Variants in NMU observed in about 807,000 individuals in gnomAD.
NMU encodes the protein neuromedin-U.
A neutral mutation model predicts 35.4 loss-of-function variants in NMU; 29 were observed. That is an observed-to-expected ratio of 0.82 (90% CI 0.61 to 1.12). The LOEUF (loss-of-function observed/expected upper bound fraction) is 1.12, where lower values mean the gene tolerates loss of function less well. Among genes scored for constraint, NMU ranks in the 50% most tolerant of loss-of-function variants. The probability of loss-of-function intolerance (pLI) is 0.00; values close to 1 mark genes in which losing one functional copy is unlikely to be tolerated. For synonymous variants in NMU, 78 were observed against 81.3 expected (o/e 0.96, Z 0.22); for missense variants, 199 against 206.2 (o/e 0.97, Z 0.21).
chr4:55,617,879 A>C (rs1189120469), intron 2 of NMU, among the ~76,000 whole-genome samples: 1 of 152,212 alleles, frequency 6.6e-6, no homozygotes, highest in Admixed American at 6.5e-5. Flanking sequence ...AGAACCCTTG[A>C]ATCTCAGGAC....
intron 3 of NMU, among the ~76,000 whole-genome samples, chr4:55,614,792 A>G (rs1361353507): frequency 6.6e-6 from 1 of 152,216 alleles, no homozygotes; most frequent in African/African-American, 2.4e-5. Flanking sequence ...GATGTTCCTG[A>G]ATTTTAAATA....
Position 55,636,138 on chromosome 4 carries a change from C to T in NMU, c.55G>A (p.Ala19Thr). Reference sequence around the variant, plus strand: ...AGCAGCAGCAGCAGGAGCGGGGACGCCGCGGCCACCTGTCCGGCGGGCGAC... The same window carrying T: ...AGCAGCAGCAGCAGGAGCGGGGACGTCGCGGCCACCTGTCCGGCGGGCGAC... ...PRSPAGQVAA[A>T]SPLLLLLLLL... The change falls in exon 1 of 10, where the codon GCG (alanine) becomes ACG (threonine). Residue 19 changes from alanine to threonine, a missense_variant. Physicochemically the swap from Ala to Thr is moderately conservative, Grantham distance 58. Transcript: ENST00000264218. The surrounding 1 kb of genome is among the most constrained non-coding windows in gnomAD (Gnocchi z 4.0). 1 of 1,522,984 alleles carries T rather than the reference C, an allele frequency of 6.6e-7. No individual in the cohort carries two copies. Among genetic ancestry groups the T allele is most frequent in the South Asian group, 1.2e-5 (1 of 82,806 alleles). The allele number at this position is 1,522,984 out of a possible 1,614,324, so 94.3% of individuals were successfully genotyped here. A position where few individuals can be genotyped will look rare whatever the true frequency, so the allele number is the denominator to read the frequency against.
At chr4:55,613,409 A>T (rs1734008960) in intron 3 of NMU, among the ~76,000 whole-genome samples, 1 of 152,170 alleles carries the variant, frequency 6.6e-6, no homozygotes, top group Non-Finnish European at 1.5e-5. Flanking sequence ...CAGTGATATG[A>T]TGACTTAGTA....
chr4:55,610,901 C>T (rs953870316), intron 3 of NMU, among the ~76,000 whole-genome samples: 5 of 152,062 alleles, frequency 3.3e-5, no homozygotes, highest in Non-Finnish European at 7.3e-5. Flanking sequence ...AATATGCATG[C>T]TTGTGTCTTC....
At chr4:55,633,391 G>A (rs940946133) in intron 1 of NMU, among the ~76,000 whole-genome samples, 1 of 151,866 alleles carries the variant, frequency 6.6e-6, no homozygotes, top group African/African-American at 2.4e-5. Flanking sequence ...AACATAAGGA[G>A]GAGTTATTCT....
chr4:55,624,420 C>G (rs1254752418), intron 2 of NMU, among the ~76,000 whole-genome samples: 12 of 46,760 alleles, frequency 2.6e-4, no homozygotes, highest in Non-Finnish European at 4.0e-4. Flanking sequence ...TGAAAAAATG[C>G]TCATCATCAC....
intron 7 of NMU, among the ~76,000 whole-genome samples, chr4:55,604,520 G>T (rs1181993117): frequency 6.9e-6 from 1 of 143,948 alleles, no homozygotes; most frequent in East Asian, 2.1e-4. Flanking sequence ...TTTACTTCAC[G>T]ACCCAAACTC....
At chr4:55,599,078 CTG>C in intron 9 of NMU, 62 bp downstream of exon 9, 1 of 1,055,878 alleles carries the variant, frequency 9.5e-7, no homozygotes, top group Non-Finnish European at 1.4e-6. Context: ...AAATGTCAAA[CTG>C]TGTTGAACTG....
At chr4:55,601,824 AAAT>A (rs1393935552) in intron 7 of NMU, among the ~76,000 whole-genome samples, 2 of 151,658 alleles carry the variant, frequency 1.3e-5, no homozygotes, top group Non-Finnish European at 2.9e-5. Flanking sequence ...TAGTCTCTAC[AAAT>A]AATAAAAAAA....
chr4:55,618,945 C>T (rs1217479014), intron 2 of NMU, among the ~76,000 whole-genome samples: 1 of 150,004 alleles, frequency 6.7e-6, no homozygotes, highest in African/African-American at 2.5e-5. Context: ...TAAGGGCTCA[C>T]TGCAGCCTTG....
intron 9 of NMU, among the ~76,000 whole-genome samples, 152 bp from the exon 10 acceptor site, chr4:55,595,563 T>TATATATATATATATATATATAC (rs755203914): frequency 1.0e-4 from 12 of 120,052 alleles, no homozygotes; most frequent in African/African-American, 1.2e-4. Context: ...TATATATATA[T>TATATATATATATATATATATAC]ACACACACAC....
At chr4:55,613,341 A>G (rs1189984395) in intron 3 of NMU, among the ~76,000 whole-genome samples, 1 of 152,176 alleles carries the variant, frequency 6.6e-6, no homozygotes, top group Non-Finnish European at 1.5e-5. Flanking sequence ...GGCTCTATCA[A>G]GGGATTTTGA....
intron 3 of NMU, among the ~76,000 whole-genome samples, chr4:55,615,978 G>C (rs1734097626): frequency 6.6e-6 from 1 of 152,106 alleles, no homozygotes; most frequent in Admixed American, 6.6e-5. Context: ...TGAACTCCCA[G>C]CCTCAAGTGA....
chr4:55,634,108 G>A (rs1486032293), intron 1 of NMU, among the ~76,000 whole-genome samples: 1 of 152,082 alleles, frequency 6.6e-6, no homozygotes, highest in Non-Finnish European at 1.5e-5. Context: ...TGCGACATTT[G>A]TTATGTTGTT....
chr4:55,635,802 T>A (rs1156609203), intron 1 of NMU, among the ~76,000 whole-genome samples: 1 of 152,196 alleles, frequency 6.6e-6, no homozygotes, highest in Admixed American at 6.5e-5. Flanking sequence ...CCTACCAGTC[T>A]CCATCTATCG....
At chr4:55,630,956 A>C (rs956377857) in intron 1 of NMU, among the ~76,000 whole-genome samples, 1 of 152,242 alleles carries the variant, frequency 6.6e-6, no homozygotes, top group East Asian at 1.9e-4. Flanking sequence ...TTACCAAAAC[A>C]GTATGGTACT....
intron 2 of NMU, among the ~76,000 whole-genome samples, chr4:55,625,545 T>G (rs1734491834): frequency 6.6e-6 from 1 of 152,194 alleles, no homozygotes; most frequent in African/African-American, 2.4e-5. Context: ...ATCTTATCTT[T>G]TCCCTTATGT....
chr4:55,627,794 A>G (rs1560525897), intron 2 of NMU, among the ~76,000 whole-genome samples: 1 of 152,226 alleles, frequency 6.6e-6, no homozygotes. Context: ...AATTCATTGC[A>G]GTTATAGACT....
At chr4:55,608,160 G>T (rs1485333779) in intron 4 of NMU, among the ~76,000 whole-genome samples, 9 of 132,516 alleles carry the variant, frequency 6.8e-5, no homozygotes, top group Non-Finnish European at 1.6e-5. Flanking sequence ...GGGCGACAGA[G>T]CGAGACTCCA....
Sources: allele counts gnomAD v4.1 joint callset (sites outside exome capture counted in the v4.1 genomes callset), GRCh38; gene constraint gnomAD v4.1.1; non-coding constraint Gnocchi (gnomAD v3.1); transcripts MANE v1.5; gene names NCBI Gene and HGNC (gene_info 2026-07-23, HGNC 2026-07-21).